UGT1A7: variants seen among roughly 807,000 people sequenced by gnomAD.
The protein encoded by UGT1A7 is UDP glucuronosyltransferase family 1 member A7.
UGT1A7 carries 33 observed loss-of-function variants against 45.6 expected under a neutral mutation model. The ratio of observed to expected loss-of-function variants is 0.72; its 90% CI spans 0.55 to 0.97. The LOEUF (loss-of-function observed/expected upper bound fraction) is 0.97. UGT1A7 is among the 50% of genes least tolerant of loss of function. The probability of loss-of-function intolerance (pLI) is 0.00; values close to 1 mark genes in which losing one functional copy is unlikely to be tolerated. For missense variants in UGT1A7, 684 were observed against 666.2 expected, an observed-to-expected ratio of 1.03 and a Z score of -0.29; for synonymous variants, 274 against 250.6, an observed-to-expected ratio of 1.09 and a Z score of -0.88.
intron 1 of UGT1A7, chr2:233,693,944 G>T: frequency 6.3e-7 from 1 of 1,599,222 alleles, no homozygotes; most frequent in Non-Finnish European, 8.5e-7. Flanking sequence ...TCCTTGAGCC[G>T]ACTGTCCCTT....
chr2:233,729,850 G>C (rs916795505), intron 1 of UGT1A7: 6 of 1,613,870 alleles, frequency 3.7e-6, no homozygotes, highest in Non-Finnish European at 5.1e-6. Context: ...TTTTCAGAGA[G>C]AGGTGTCAGT....
At chr2:233,708,414 C>A (rs2076017476) in intron 1 of UGT1A7, 1 of 152,100 alleles carries the variant, frequency 6.6e-6, no homozygotes, top group Admixed American at 6.6e-5. Flanking sequence ...AGTTGTTTCA[C>A]CAGTGAAGAT....
At chr2:233,715,655 C>T (rs2076462877) in intron 1 of UGT1A7, among the ~76,000 whole-genome samples, 1 of 152,008 alleles carries the variant, frequency 6.6e-6, no homozygotes, top group Non-Finnish European at 1.5e-5. Context: ...ACCTGTGGTC[C>T]CAGCTACTCG....
chr2:233,766,892 A>G (rs576495684), intron 1 of UGT1A7, 142 bp from the exon 2 acceptor site: 332 of 1,471,416 alleles, frequency 2.3e-4, no homozygotes, highest in Admixed American at 7.8e-4. Context: ...AAACTTACAT[A>G]TTAATAATTT....
chr2:233,693,721 A>G (rs747606034), intron 1 of UGT1A7: 3 of 1,614,178 alleles, frequency 1.9e-6, no homozygotes, highest in Non-Finnish European at 2.5e-6. Context: ...TCCTCAAGAG[A>G]GATGTGGATA....
At chr2:233,691,483 T>C in intron 1 of UGT1A7, 1 of 985,676 alleles carries the variant, frequency 1.0e-6, no homozygotes, top group Non-Finnish European at 1.2e-6. Flanking sequence ...GCCAAACTTG[T>C]GGGTGGGAAC....
intron 1 of UGT1A7, chr2:233,754,687 C>T: frequency 2.1e-6 from 1 of 485,706 alleles, no homozygotes; most frequent in South Asian, 1.5e-5. Context: ...TCAACTATTT[C>T]AGTGGAAGTC....
At chr2:233,719,240 C>A in intron 1 of UGT1A7, 8 of 1,614,156 alleles carry the variant, frequency 5.0e-6, no homozygotes, top group African/African-American at 1.3e-5. Flanking sequence ...TGATCAGGCA[C>A]CTGAATGCTA....
chr2:233,722,457 A>G (rs2077013150), intron 1 of UGT1A7, among the ~76,000 whole-genome samples: 4 of 152,226 alleles, frequency 2.6e-5, no homozygotes, highest in South Asian at 4.1e-4. Flanking sequence ...CAAAGAAATA[A>G]CTGTGGAATT....
At chr2:233,747,146 G>T in intron 1 of UGT1A7, 1 of 1,568,908 alleles carries the variant, frequency 6.4e-7, no homozygotes, top group Non-Finnish European at 8.6e-7. Flanking sequence ...AGGTAATTAA[G>T]ATGAAGAAAA....
At chr2:233,729,021 C>T (rs575781595) in intron 1 of UGT1A7, 130 of 1,593,082 alleles carry the variant, frequency 8.2e-5, no homozygotes, top group Non-Finnish European at 1.0e-4. Context: ...TCCAATTACA[C>T]GTTGATTTGC....
At chr2:233,711,340 A>C (rs2076174915) in intron 1 of UGT1A7, among the ~76,000 whole-genome samples, 1 of 152,198 alleles carries the variant, frequency 6.6e-6, no homozygotes, top group Non-Finnish European at 1.5e-5. Flanking sequence ...CTGCATGGAG[A>C]TAGAACAGGG....
At chr2:233,728,727 T>C (rs1208956331) in intron 1 of UGT1A7, among the ~76,000 whole-genome samples, 1 of 152,204 alleles carries the variant, frequency 6.6e-6, no homozygotes, top group Non-Finnish European at 1.5e-5. Flanking sequence ...AGAGAGCATA[T>C]GACTGGGGGC....
Position 233,746,118 on chromosome 2 carries a change from A to C in UGT1A7, c.856-20916A>C, listed in dbSNP as rs544937305. On this transcript the variant is annotated intron_variant, in intron 1 of 4. Transcript: ENST00000373426. ...CATGTCCAGAGTGCTTACTGTCTGC[A>C]AAACTGTGGACTGGCACCTGAGTGA... 3.3e-4 allele frequency among the ~76,000 whole-genome samples: 50 copies of C among 151,986 alleles called. 2 individuals carry two copies. Among genetic ancestry groups the C allele is most frequent in the African/African-American group, 1.1e-3 (46 of 41,248 alleles).
rs942843599 is a variant in UGT1A7, at chr2:233,747,037, A to G, written c.856-19997A>G. Among the ~76,000 whole-genome samples the G allele has an allele frequency of 1.1e-4, 16 of 151,986 alleles. 1 individual carries two copies. Among genetic ancestry groups the G allele is most frequent in the African/African-American group, 3.9e-4 (16 of 41,218 alleles). ...ATCGGTCTTTCCCGAAGTGGGACCC[A>G]TAATGAAAGACAATGATTGGTTAAT... is the stretch of plus-strand genomic sequence containing the variant. On this transcript the variant is annotated intron_variant, in intron 1 of 4. Transcript: ENST00000373426.
intron 1 of UGT1A7, chr2:233,693,915 C>A: frequency 6.2e-7 from 1 of 1,611,846 alleles, no homozygotes; most frequent in Non-Finnish European, 8.5e-7. Context: ...CAGGCTCTGT[C>A]CTCCCTCACT....
intron 1 of UGT1A7, among the ~76,000 whole-genome samples, chr2:233,700,896 C>CG (rs2075597942): frequency 6.6e-6 from 1 of 151,952 alleles, no homozygotes; most frequent in Non-Finnish European, 1.5e-5. Flanking sequence ...CAACAGTCCC[C>CG]GGTGTGTGAC....
At chr2:233,690,978 C>T in intron 1 of UGT1A7, 7 of 999,584 alleles carry the variant, frequency 7.0e-6, no homozygotes, top group Non-Finnish European at 7.1e-6. Flanking sequence ...AGAACAGGAC[C>T]CACATATGAG....
chr2:233,757,535 A>AATATATATATAT (rs67292694), intron 1 of UGT1A7, among the ~76,000 whole-genome samples: 911 of 88,202 alleles, frequency 0.01, 30 homozygotes, highest in Middle Eastern at 0.029. Context: ...GCCTGTAAGG[A>AATATATATATAT]ATATATATAT....
Sources: gnomAD v4.1 joint callset for allele counts (sites outside exome capture counted in the v4.1 genomes callset) on GRCh38, gnomAD v4.1.1 for gene constraint, MANE v1.5 for transcripts, NCBI Gene and HGNC (gene_info 2026-07-23, HGNC 2026-07-21) for gene names.